PPP1R3D: variants seen among roughly 807,000 people sequenced by gnomAD.
PPP1R3D encodes the protein protein phosphatase 1 regulatory subunit 3D.
PPP1R3D carries 27 observed loss-of-function variants against 16.3 expected under a neutral mutation model. The ratio of observed to expected loss-of-function variants is 1.66; its 90% CI spans 1.22 to 2.29. The LOEUF (loss-of-function observed/expected upper bound fraction) is 2.29, where lower values mean the gene tolerates loss of function less well. PPP1R3D is among the 30% of genes most tolerant of loss of function. The pLI, the probability that PPP1R3D is intolerant of heterozygous loss-of-function variation, is 0.00. For missense variants in PPP1R3D, 472 were observed against 438.3 expected (o/e 1.08, Z -0.69); for synonymous variants, 223 against 209.7 (o/e 1.06, Z -0.55).
rs1185319492 is a variant in PPP1R3D, at chr20:59,940,189, G to A, written c.-258C>T. ...AGTGGAAGCTTTCAGAGGCCTCCCG[G>A]GAGCGCAGGGTAGCGCCTCTTTTTT... On this transcript the variant is annotated 5_prime_UTR_variant, in exon 1 of 1. Transcript: ENST00000370996. 1 of 368,612 alleles carries A rather than the reference G, an allele frequency of 2.7e-6. No homozygotes were observed. Among genetic ancestry groups the A allele is most frequent in the African/African-American group, 2.1e-5 (1 of 47,442 alleles). The allele number at this position is 368,612 out of a possible 1,614,324, so 22.8% of individuals were successfully genotyped here.
At position 59,939,560 on chromosome 20, in the gene PPP1R3D, G is replaced by A; in HGVS notation, c.372C>T (p.Asp124=). The A allele has an allele frequency of 6.2e-7, 1 of 1,611,520 alleles. No individual in the cohort carries two copies. Among genetic ancestry groups the A allele is most frequent in the African/African-American group, 1.3e-5 (1 of 75,040 alleles). The change falls in exon 1 of 1, where the codon GAC becomes GAT. Residue 124 remains aspartate (D), a synonymous_variant. Coordinates refer to ENST00000370996, the MANE Select transcript of PPP1R3D (RefSeq NM_006242.4). ...ACAGCACGTGCAGCGGCACGGACGG[G>A]TCGTCTCCCGCGTTGAACACCTTGA... ...AQVKVFNAGD[D]PSVPLHVLSR...
Position 59,939,911 on chromosome 20 carries a change from G to T in PPP1R3D, c.21C>A (p.Ser7=). 14 of 1,256,484 alleles carry T rather than the reference G, an allele frequency of 1.1e-5. No individual in the cohort carries two copies. The highest frequency in any genetic ancestry group is 1.3e-5 in the Non-Finnish European group (13 of 995,538). The allele number at this position is 1,256,484 out of a possible 1,614,324, so 77.8% of individuals were successfully genotyped here. A position where few individuals can be genotyped will look rare whatever the true frequency, so the allele number is the denominator to read the frequency against. Residue 7 remains serine (S), a synonymous_variant, in exon 1 of 1, where the codon TCC becomes TCA. Coordinates refer to ENST00000370996, the MANE Select transcript of PPP1R3D (RefSeq NM_006242.4). ...ATCCCAGGGCGCTAGGCAGGACCGC[G>T]GAGCTCGGGCCTCTGGACATGGCCC... The part of the protein sequence containing the change: MSRGPS[S]AVLPSALGSR...
At position 59,939,065 on chromosome 20, in the gene PPP1R3D, C is replaced by A. The variant is rs777796623; in HGVS notation, c.867G>T (p.Gly289=). Residue 289 remains glycine (G), a synonymous_variant, in exon 1 of 1, where the codon GGG becomes GGT. Coordinates refer to ENST00000370996, the MANE Select transcript of PPP1R3D (RefSeq NM_006242.4). ...CRNHALHMPR[G]ECEESWIHFI ...AGTGGATCCAGCTCTCTTCGCACTC[C>A]CCGCGAGGCATGTGCAGCGCGTGGT... The A allele has an allele frequency of 5.8e-6, 9 of 1,564,680 alleles. No individual in the cohort carries two copies. The highest frequency in any genetic ancestry group is 7.8e-6 in the Non-Finnish European group (9 of 1,157,248).
At position 59,940,257 on chromosome 20, in the gene PPP1R3D, G is replaced by C. The variant is rs1346908117; in HGVS notation, c.-326C>G. 2 of 216,280 alleles carry C rather than the reference G, an allele frequency of 9.2e-6. No individual in the cohort carries two copies. Among genetic ancestry groups the C allele is most frequent in the East Asian group, 2.1e-4 (2 of 9,538 alleles). The allele number at this position is 216,280 out of a possible 1,614,324, so 13.4% of individuals were successfully genotyped here. A position where few individuals can be genotyped will look rare whatever the true frequency, so the allele number is the denominator to read the frequency against. On this transcript the variant is annotated 5_prime_UTR_variant, in exon 1 of 1. Transcript: ENST00000370996. ...GGTTCTTACAAGAAGGCTGCGTTCCGGGAGCGGCCCCTCCCACTTTCCCGG... is the reference window on the plus strand; with the variant it reads ...GGTTCTTACAAGAAGGCTGCGTTCCCGGAGCGGCCCCTCCCACTTTCCCGG...
In PPP1R3D at chr20:59,937,449, T is replaced by A. The variant is rs1186600922; in HGVS notation, c.*1583A>T. 2 of 152,506 alleles carry A rather than the reference T, an allele frequency of 1.3e-5. No individual in the cohort carries two copies. Among genetic ancestry groups the A allele is most frequent in the Non-Finnish European group, 2.9e-5 (2 of 68,040 alleles). The allele number at this position is 152,506 out of a possible 1,614,324, so 9.4% of individuals were successfully genotyped here. A position where few individuals can be genotyped will look rare whatever the true frequency, so the allele number is the denominator to read the frequency against. On this transcript the variant is annotated 3_prime_UTR_variant, in exon 1 of 1. Transcript: ENST00000370996. ...TATTAAAAGATACCGAAGAAAGCTA[T>A]CCTTGTTCTTTGAATTATAAAAGCA...
Position 59,938,943 on chromosome 20 carries a change from A to C in PPP1R3D, c.*89T>G. 1 of 1,306,708 alleles carries C rather than the reference A, an allele frequency of 7.7e-7. No homozygotes were observed. The highest frequency in any genetic ancestry group is 1.0e-6 in the Non-Finnish European group (1 of 994,336). The allele number at this position is 1,306,708 out of a possible 1,614,324, so 80.9% of individuals were successfully genotyped here. The stretch of plus-strand genomic sequence containing the variant: ...CAGAGGACTTGGAGGGTGGTGAAGA[A>C]CAACCAGATAGATGTGAGAGCCCAG... On this transcript the variant is annotated 3_prime_UTR_variant, in exon 1 of 1. Coordinates refer to ENST00000370996, the MANE Select transcript of PPP1R3D (RefSeq NM_006242.4).
Position 59,939,925 on chromosome 20 carries a change from T to C in PPP1R3D, c.7A>G (p.Arg3Gly). 4.0e-6 allele frequency: 5 copies of C among 1,261,636 alleles called. No individual in the cohort carries two copies. The highest frequency in any genetic ancestry group is 5.0e-6 in the Non-Finnish European group (5 of 997,826). 78.2% of individuals were successfully genotyped at this position (1,261,636 alleles called of 1,614,324 possible). MS[R>G]GPSSAVLPSA... ...GGCAGGACCGCGGAGCTCGGGCCTCTGGACATGGCCCCGCCGGCCGTCGGA... is the reference window on the plus strand; with the variant it reads ...GGCAGGACCGCGGAGCTCGGGCCTCCGGACATGGCCCCGCCGGCCGTCGGA... Residue 3 changes from arginine (R) to glycine (G), a missense_variant, in exon 1 of 1, where the codon AGA becomes GGA. Transcript: ENST00000370996.
chr20:59,939,690 C>A lies in PPP1R3D; in HGVS notation c.242G>T (p.Arg81Leu). The A allele has an allele frequency of 7.0e-7, 1 of 1,418,712 alleles. No homozygotes were observed. Among genetic ancestry groups the A allele is most frequent in the Admixed American group, 3.0e-5 (1 of 33,118 alleles). 87.9% of individuals were successfully genotyped at this position (1,418,712 alleles called of 1,614,324 possible). Residue 81 changes from arginine (R) to leucine (L), a missense_variant, in exon 1 of 1, where the codon CGC becomes CTC. Transcript: ENST00000370996. ...CGGCGCGCCCGCGGCCTTCTGGCGG[C>A]GCTCGGGGGAGCTGGGCAGTGAGCG... Reference protein sequence around the residue: ...RARSLPSSPERRQKAAGAPGA... With the variant: ...RARSLPSSPELRQKAAGAPGA...
rs1315479218 is a variant in PPP1R3D at position 59,939,092 on chromosome 20, G to C, written c.840C>G (p.Arg280=). Reference sequence around the variant, plus strand: ...CGCGAGGCATGTGCAGCGCGTGGTTGCGACATGTGAGGCTGTAGTCTCGGT... The same window carrying C: ...CGCGAGGCATGTGCAGCGCGTGGTTCCGACATGTGAGGCTGTAGTCTCGGT... ...NDHRDYSLTC[R]NHALHMPRGE... Residue 280 remains arginine (R), a synonymous_variant, in exon 1 of 1, where the codon CGC becomes CGG. Coordinates refer to ENST00000370996, the MANE Select transcript of PPP1R3D (RefSeq NM_006242.4). 3 of 1,593,622 alleles carry C rather than the reference G, an allele frequency of 1.9e-6. No homozygotes were observed. In the Middle Eastern group the frequency reaches 5.0e-4, roughly 266 times the overall value.
chr20:59,939,300 G>A lies in PPP1R3D; in HGVS notation c.632C>T (p.Ser211Leu), dbSNP rs768583960. The change falls in exon 1 of 1, where the codon TCG becomes TTG. Residue 211 changes from serine to leucine, a missense_variant. Ser to Leu is a moderately radical substitution (Grantham distance 145, BLOSUM62 -2). Transcript: ENST00000370996. Reference sequence around the variant, plus strand: ...CGCCTCGTGGGTACTGCGCCAGCCCGAGAAAGTGTAGCGCACAGCCACCTG... The same window carrying A: ...CGCCTCGTGGGTACTGCGCCAGCCCAAGAAAGTGTAGCGCACAGCCACCTG... Reference protein sequence around the residue: ...EKQVAVRYTFSGWRSTHEAVA... With the variant: ...EKQVAVRYTFLGWRSTHEAVA... 6 of 1,612,120 alleles carry A rather than the reference G, an allele frequency of 3.7e-6. No homozygotes were observed. Among genetic ancestry groups the A allele is most frequent in the Middle Eastern group, 1.6e-4 (1 of 6,084 alleles).
Position 59,940,263 on chromosome 20 carries a change from G to T in PPP1R3D, c.-332C>A, listed in dbSNP as rs1231490463. 4.8e-6 allele frequency: 1 copy of T among 210,290 alleles called. No individual in the cohort carries two copies. The highest frequency in any genetic ancestry group is 6.1e-5 in the Admixed American group (1 of 16,502). 13.0% of individuals were successfully genotyped at this position (210,290 alleles called of 1,614,324 possible). On this transcript the variant is annotated 5_prime_UTR_variant, in exon 1 of 1. Transcript: ENST00000370996. ...TACAAGAAGGCTGCGTTCCGGGAGC[G>T]GCCCCTCCCACTTTCCCGGTCCGCG...
chr20:59,939,713 GC>G lies in PPP1R3D; in HGVS notation c.218del (p.Arg73ProfsTer266), dbSNP rs2060887413. ...GGCGCTCGGGGGAGCTGGGCAGTGA[GC>G]GCGCCCGCCGCAGGATGATGGGCCG... ...RLRPIILRRA[R>X]SLPSSPERRQ... is the part of the protein sequence containing the mutation. On this transcript the variant is annotated frameshift_variant, in exon 1 of 1. Coordinates refer to ENST00000370996, the MANE Select transcript of PPP1R3D (RefSeq NM_006242.4). LOFTEE classifies it high-confidence loss of function. The G allele has an allele frequency of 3.0e-6, 4 of 1,321,884 alleles. No individual in the cohort carries two copies. Among genetic ancestry groups the G allele is most frequent in the Non-Finnish European group, 3.8e-6 (4 of 1,042,346 alleles). 81.9% of individuals were successfully genotyped at this position (1,321,884 alleles called of 1,614,324 possible). A position where few individuals can be genotyped will look rare whatever the true frequency, so the allele number is the denominator to read the frequency against.
At position 59,940,149 on chromosome 20, in the gene PPP1R3D, G is replaced by A; in HGVS notation, c.-218C>T. On this transcript the variant is annotated 5_prime_UTR_variant, in exon 1 of 1. Coordinates refer to ENST00000370996, the MANE Select transcript of PPP1R3D (RefSeq NM_006242.4). ...TTGCGGTTAAAGAAATTGTAAGAGT[G>A]GGGAGTTTTTCTCTAGTGGAAGCTT... 1 of 406,446 alleles carries A rather than the reference G, an allele frequency of 2.5e-6. No homozygotes were observed. Among genetic ancestry groups the A allele is most frequent in the East Asian group, 3.7e-5 (1 of 26,874 alleles). The allele number at this position is 406,446 out of a possible 1,614,324, so 25.2% of individuals were successfully genotyped here.
At position 59,937,784 on chromosome 20, in the gene PPP1R3D, G is replaced by T. The variant is rs760305474; in HGVS notation, c.*1248C>A. On this transcript the variant is annotated 3_prime_UTR_variant, in exon 1 of 1. Transcript: ENST00000370996. ...TTTTAAGTGATTGCCTAACTCAGCA[G>T]GGGACAGTGGTCTTGACTTCTTGGT... 2.6e-5 allele frequency: 4 copies of T among 152,548 alleles called. No individual in the cohort carries two copies. The highest frequency in any genetic ancestry group is 2.9e-5 in the Non-Finnish European group (2 of 67,990). The allele number at this position is 152,548 out of a possible 1,614,324, so 9.4% of individuals were successfully genotyped here.
chr20:59,939,305 A>G lies in PPP1R3D; in HGVS notation c.627T>C (p.Thr209=). The change falls in exon 1 of 1, where the codon ACT becomes ACC. Residue 209 remains threonine, a synonymous_variant. Transcript: ENST00000370996. ...CGTGGGTACTGCGCCAGCCCGAGAAAGTGTAGCGCACAGCCACCTGCTTCT... is the reference window on the plus strand; with the variant it reads ...CGTGGGTACTGCGCCAGCCCGAGAAGGTGTAGCGCACAGCCACCTGCTTCT... The part of the protein sequence containing the change: ...AFEKQVAVRY[T]FSGWRSTHEA... 6.2e-7 allele frequency: 1 copy of G among 1,612,256 alleles called. No homozygotes were observed. Among genetic ancestry groups the G allele is most frequent in the Non-Finnish European group, 8.5e-7 (1 of 1,179,800 alleles).
Position 59,939,914 on chromosome 20 carries a change from G to A in PPP1R3D, c.18C>T (p.Ser6=), listed in dbSNP as rs764335389. The stretch of plus-strand genomic sequence containing the variant: ...CCAGGGCGCTAGGCAGGACCGCGGA[G>A]CTCGGGCCTCTGGACATGGCCCCGC... MSRGP[S]SAVLPSALGS... The change falls in exon 1 of 1, where the codon AGC becomes AGT. Residue 6 remains serine (S), a synonymous_variant. Coordinates refer to ENST00000370996, the MANE Select transcript of PPP1R3D (RefSeq NM_006242.4). 8.0e-7 allele frequency: 1 copy of A among 1,256,876 alleles called. No homozygotes were observed. The highest frequency in any genetic ancestry group is 1.0e-6 in the Non-Finnish European group (1 of 995,644). The allele number at this position is 1,256,876 out of a possible 1,614,324, so 77.9% of individuals were successfully genotyped here.
At position 59,939,167 on chromosome 20, in the gene PPP1R3D, G is replaced by A; in HGVS notation, c.765C>T (p.Phe255=). ...FLLELGSRVH[F]AVRYQVAGAE... is the part of the protein sequence containing the mutation. ...CACCCGCCACTTGGTAGCGCACCGC[G>A]AAGTGCACGCGGGAGCCGAGCTCCA... The change falls in exon 1 of 1, where the codon TTC becomes TTT. Residue 255 remains phenylalanine (F), a synonymous_variant. Transcript: ENST00000370996. The A allele has an allele frequency of 1.2e-6, 2 of 1,611,374 alleles. No homozygotes were observed. Among genetic ancestry groups the A allele is most frequent in the Non-Finnish European group, 1.7e-6 (2 of 1,178,382 alleles).
chr20:59,938,955 ATG>A lies in PPP1R3D; in HGVS notation c.*75_*76del, dbSNP rs1371099507. On this transcript the variant is annotated 3_prime_UTR_variant, in exon 1 of 1. Transcript: ENST00000370996. ...AGGGTGGTGAAGAACAACCAGATAGATGTGAGAGCCCAGCAGGGAAATGACAG... is the reference window on the plus strand; with the variant it reads ...AGGGTGGTGAAGAACAACCAGATAGATGAGAGCCCAGCAGGGAAATGACAG... 1.5e-6 allele frequency: 2 copies of A among 1,369,484 alleles called. No individual in the cohort carries two copies. Among genetic ancestry groups the A allele is most frequent in the Non-Finnish European group, 1.9e-6 (2 of 1,040,332 alleles). The allele number at this position is 1,369,484 out of a possible 1,614,324, so 84.8% of individuals were successfully genotyped here.
rs2060869558 is a variant in PPP1R3D at position 59,937,566 on chromosome 20, TTTAGAG to T, written c.*1460_*1465del. ...ACAGATGCCAACAAGCATTCAAAAATTTAGAGTTAATTTCTTGGTGACAGGTAGCAT... is the reference window on the plus strand; with the variant it reads ...ACAGATGCCAACAAGCATTCAAAAATTTAATTTCTTGGTGACAGGTAGCAT... On this transcript the variant is annotated 3_prime_UTR_variant, in exon 1 of 1. Transcript: ENST00000370996. The T allele has an allele frequency of 6.6e-6, 1 of 152,340 alleles. No homozygotes were observed. The highest frequency in any genetic ancestry group is 6.5e-5 in the Admixed American group (1 of 15,284). 9.4% of individuals were successfully genotyped at this position (152,340 alleles called of 1,614,324 possible).
Sources: gnomAD v4.1 joint callset for allele counts on GRCh38, gnomAD v4.1.1 for gene constraint, MANE v1.5 for transcripts, NCBI Gene and HGNC (gene_info 2026-07-23, HGNC 2026-07-21) for gene names.